Variants in TBC1D23 observed in about 807,000 individuals in gnomAD.
TBC1D23 encodes TBC1 domain family member 23.
In TBC1D23, 55 loss-of-function variants were observed where a neutral mutation model predicts 91.4. That is an observed-to-expected ratio of 0.60 (90% CI 0.48 to 0.75). The LOEUF (loss-of-function observed/expected upper bound fraction) is 0.75, where lower values mean the gene tolerates loss of function less well. Ranked by LOEUF, TBC1D23 falls within the 30% of genes least tolerant of loss-of-function variation. TBC1D23 has a pLI of 0.00. For synonymous variants in TBC1D23, 289 were observed against 281.0 expected (o/e 1.03, Z -0.28); for missense variants, 725 against 836.1 (o/e 0.87, Z 1.64).
intron 14 of TBC1D23, among the ~76,000 whole-genome samples, chr3:100,311,411 A>G (rs563480260): frequency 6.6e-6 from 1 of 152,324 alleles, no homozygotes; most frequent in East Asian, 1.9e-4. Flanking sequence ...CATTGATCCA[A>G]AACATTGTAC....
Position 100,297,947 on chromosome 3 carries a change from A to T in TBC1D23, c.901A>T (p.Thr301Ser). The T allele has an allele frequency of 6.2e-7, 1 of 1,611,976 alleles. No individual in the cohort carries two copies. Among genetic ancestry groups the T allele is most frequent in the Non-Finnish European group, 8.5e-7 (1 of 1,178,354 alleles). ...GGATAATCACCATCTCTTTGGTAGT[A>T]CTTTGTTGGGAATTAAGGATGATGA... ...RKDNHHLFGS[T>S]LLGIKDDDAD... Residue 301 changes from threonine to serine, a missense_variant, in exon 9 of 19, where the codon ACT (threonine) becomes TCT (serine). Thr to Ser is a moderately conservative substitution (Grantham distance 58). Transcript: ENST00000394144.
At chr3:100,304,208 C>A (rs1374074550) in intron 11 of TBC1D23, among the ~76,000 whole-genome samples, 1 of 152,110 alleles carries the variant, frequency 6.6e-6, no homozygotes, top group African/African-American at 2.4e-5. Context: ...TTGCTGATTA[C>A]ATTCACATGG....
intron 10 of TBC1D23, among the ~76,000 whole-genome samples, chr3:100,299,779 G>A (rs1300061885): frequency 6.6e-6 from 1 of 152,208 alleles, no homozygotes; most frequent in Non-Finnish European, 1.5e-5. Flanking sequence ...CCAAAGTGTT[G>A]GGATTATAGG....
At chr3:100,273,257 C>T (rs895570379) in intron 1 of TBC1D23, among the ~76,000 whole-genome samples, 2 of 152,198 alleles carry the variant, frequency 1.3e-5, no homozygotes, top group African/African-American at 4.8e-5. Context: ...TAACAAAGCA[C>T]ATCTTGCACA....
intron 8 of TBC1D23, 111 bp from the exon 9 acceptor site, chr3:100,297,810 TCA>T: frequency 1.2e-6 from 1 of 857,390 alleles, no homozygotes; most frequent in Non-Finnish European, 1.7e-6. Flanking sequence ...TTTTAAAAAA[TCA>T]CAACTCAAGA....
Position 100,283,744 on chromosome 3 carries a change from C to T in TBC1D23, c.409C>T (p.His137Tyr), listed in dbSNP as rs1459518160. 1.1e-5 allele frequency: 18 copies of T among 1,612,830 alleles called. No homozygotes were observed. Among genetic ancestry groups the T allele is most frequent in the East Asian group, 2.2e-5 (1 of 44,870 alleles). ...GATACATCTACTGAAACCATTGGTG[C>T]ATCTTCAACTGCCACGCAGCGATTT... ...SWIHLLKPLVHLQLPRSDLYN... is the reference protein window; with the variant it reads ...SWIHLLKPLVYLQLPRSDLYN... Residue 137 changes from histidine to tyrosine, a missense_variant, in exon 4 of 19, where the codon CAT becomes TAT. Coordinates refer to ENST00000394144, the MANE Select transcript of TBC1D23 (RefSeq NM_001199198.3).
intron 16 of TBC1D23, among the ~76,000 whole-genome samples, chr3:100,318,476 T>C (rs1422668499): frequency 1.3e-5 from 2 of 152,138 alleles, no homozygotes; most frequent in East Asian, 1.9e-4. Context: ...AGTTAAGTTA[T>C]GCATATCAAA....
At chr3:100,299,806 C>T (rs1419112451) in intron 10 of TBC1D23, among the ~76,000 whole-genome samples, 1 of 152,230 alleles carries the variant, frequency 6.6e-6, no homozygotes, top group Non-Finnish European at 1.5e-5. Flanking sequence ...CCACCACGCC[C>T]AGCCCAGATA....
At position 100,293,283 on chromosome 3, in the gene TBC1D23, G is replaced by A. The variant is rs183359850; in HGVS notation, c.601-1804G>A. On this transcript the variant is annotated intron_variant, in intron 5 of 18. Transcript: ENST00000394144. ...CGAGTAGTTGGCACTGCAGGCGCCC[G>A]CCACCACACCCGGCTAATTTTTTGT... 4.0e-3 allele frequency among the ~76,000 whole-genome samples: 611 copies of A among 152,134 alleles called. 5 individuals are homozygous for A. The highest frequency in any genetic ancestry group is 0.014 in the African/African-American group (564 of 41,484).
intron 11 of TBC1D23, among the ~76,000 whole-genome samples, chr3:100,303,662 T>C (rs868194682): frequency 2.4e-4 from 37 of 152,100 alleles, no homozygotes; most frequent in African/African-American, 8.2e-4. Flanking sequence ...TCCAAGCTAC[T>C]TGGGAGGCTG....
intron 5 of TBC1D23, among the ~76,000 whole-genome samples, chr3:100,291,274 G>A (rs1394595888): frequency 1.3e-5 from 2 of 152,050 alleles, no homozygotes; most frequent in Admixed American, 1.3e-4. Context: ...GATCCATATG[G>A]ATTATATTGA....
intron 12 of TBC1D23, among the ~76,000 whole-genome samples, chr3:100,305,906 A>G (rs1705509039): frequency 6.6e-6 from 1 of 152,176 alleles, no homozygotes; most frequent in Admixed American, 6.5e-5. Flanking sequence ...TGTAATTCTC[A>G]AAAGTGTCTG....
At chr3:100,274,899 C>T (rs1160944599) in intron 1 of TBC1D23, among the ~76,000 whole-genome samples, 4 of 133,390 alleles carry the variant, frequency 3.0e-5, no homozygotes, top group Non-Finnish European at 5.1e-5. Context: ...TACACACCCC[C>T]CCCCTTTTTG....
intron 4 of TBC1D23, 85 bp from the exon 5 acceptor site, chr3:100,290,492 TG>T: frequency 8.5e-7 from 1 of 1,181,814 alleles, no homozygotes; most frequent in Non-Finnish European, 1.2e-6. Context: ...GTGAATGCTG[TG>T]GAGGGTATAG....
intron 14 of TBC1D23, 31 bp downstream of exon 14, chr3:100,310,573 T>C (rs2148868854): frequency 1.3e-6 from 2 of 1,551,166 alleles, no homozygotes; most frequent in East Asian, 2.3e-5. Flanking sequence ...GAGTTTATGA[T>C]GAGTAATTAA....
Position 100,294,371 on chromosome 3 carries a change from C to G in TBC1D23, c.601-716C>G, listed in dbSNP as rs192421306. On this transcript the variant is annotated intron_variant, in intron 5 of 18. Coordinates refer to ENST00000394144, the MANE Select transcript of TBC1D23 (RefSeq NM_001199198.3). ...TGCCTCCCAGGTTCAAGTGATTCTC[C>G]TGCCTCAGCCTCCCAAGTAGCTGGG... 3.9e-5 allele frequency among the ~76,000 whole-genome samples: 6 copies of G among 151,954 alleles called. No individual in the cohort carries two copies. The East Asian group carries it at 1.2e-3, about 29-fold the overall frequency.
At chr3:100,306,321 T>G in intron 12 of TBC1D23, 116 bp from the exon 13 acceptor site, 2 of 614,458 alleles carry the variant, frequency 3.3e-6, no homozygotes, top group South Asian at 2.0e-5. Flanking sequence ...CCTGTGATTA[T>G]TTCCTTCAGT....
At chr3:100,284,091 G>A in intron 4 of TBC1D23, 1 of 327,040 alleles carries the variant, frequency 3.1e-6, no homozygotes, top group East Asian at 5.3e-5. Flanking sequence ...TAGCAAATAG[G>A]TGTGATGAAC....
intron 16 of TBC1D23, among the ~76,000 whole-genome samples, chr3:100,318,257 C>T (rs1011320627): frequency 6.6e-6 from 1 of 151,518 alleles, no homozygotes; most frequent in African/African-American, 2.4e-5. Context: ...CTGTATTATC[C>T]CTTTCTTAAA....
Sources: gnomAD v4.1 joint callset for allele counts (sites outside exome capture counted in the v4.1 genomes callset) on GRCh38, gnomAD v4.1.1 for gene constraint, MANE v1.5 for transcripts, NCBI Gene and HGNC (gene_info 2026-07-23, HGNC 2026-07-21) for gene names.